ARHGAP26: variants seen among roughly 807,000 people sequenced by gnomAD.
ARHGAP26 encodes Rho GTPase activating protein 26, also known as rho GTPase-activating protein 26.
ARHGAP26 carries 38 observed loss-of-function variants against 104.8 expected under a neutral mutation model. That is an observed-to-expected ratio of 0.36 (90% CI 0.28 to 0.48). ARHGAP26 has a LOEUF of 0.48. Ranked by LOEUF, ARHGAP26 falls within the 20% of genes least tolerant of loss-of-function variation. ARHGAP26 has a pLI of 0.99. For missense variants in ARHGAP26, 704 were observed against 947.9 expected (o/e 0.74, Z 3.38); for synonymous variants, 341 against 340.0 (o/e 1.00, Z -0.03).
At chr5:143,186,761 A>T (rs1805202797) in intron 20 of ARHGAP26, among the ~76,000 whole-genome samples, 1 of 152,152 alleles carries the variant, frequency 6.6e-6, no homozygotes, top group Non-Finnish European at 1.5e-5. Context: ...TCCATTGGGG[A>T]GCTTTGCTGT....
intron 11 of ARHGAP26, among the ~76,000 whole-genome samples, chr5:142,968,224 T>G (rs141862779): frequency 6.6e-6 from 1 of 152,212 alleles, no homozygotes; most frequent in Admixed American, 6.5e-5. Context: ...AGAGATTAAG[T>G]ATTTTACCTA....
intron 11 of ARHGAP26, among the ~76,000 whole-genome samples, chr5:142,997,498 C>T (rs1222968753): frequency 6.6e-6 from 1 of 151,956 alleles, no homozygotes; most frequent in Non-Finnish European, 1.5e-5. Context: ...AGCCTCGATC[C>T]CTTGGGCTCA....
chr5:142,976,802 G>A (rs1282620191), intron 11 of ARHGAP26, among the ~76,000 whole-genome samples: 1 of 152,186 alleles, frequency 6.6e-6, no homozygotes, highest in East Asian at 1.9e-4. Context: ...AGAGAATTTA[G>A]ATTTTGAACC....
chr5:142,972,626 G>C (rs1319818759), intron 11 of ARHGAP26, among the ~76,000 whole-genome samples: 3 of 152,074 alleles, frequency 2.0e-5, no homozygotes, highest in Non-Finnish European at 2.9e-5. Context: ...TTAACATAGT[G>C]ATCATCTCAC....
chr5:142,800,623 A>G (rs1432828674), intron 1 of ARHGAP26, among the ~76,000 whole-genome samples: 2 of 152,004 alleles, frequency 1.3e-5, no homozygotes, highest in Non-Finnish European at 2.9e-5. Flanking sequence ...CAGCCTCCCA[A>G]AGTGCTGGGA....
rs146419133 is a variant in ARHGAP26, at chr5:142,988,841, T to C, written c.1108-25239T>C. Among the ~76,000 whole-genome samples, 1,246 of 152,306 alleles carry C rather than the reference T, an allele frequency of 8.2e-3. 22 individuals are homozygous for C. The highest frequency in any genetic ancestry group is 0.027 in the African/African-American group (1,118 of 41,562). On this transcript the variant is annotated intron_variant, in intron 11 of 22. Transcript: ENST00000645722. ...AATCCTGAGTTCTAGTTTGATTGCA[T>C]TGTGGTCTGAGAGACAGTTTGTTAT...
At chr5:143,201,497 T>C (rs1807712705) in intron 20 of ARHGAP26, among the ~76,000 whole-genome samples, 1 of 152,204 alleles carries the variant, frequency 6.6e-6, no homozygotes, top group Non-Finnish European at 1.5e-5. Flanking sequence ...GTTTTGGGTT[T>C]GGTGAGGGGC....
chr5:142,815,613 C>G (rs1253880920), intron 1 of ARHGAP26, among the ~76,000 whole-genome samples: 3 of 152,220 alleles, frequency 2.0e-5, no homozygotes, highest in African/African-American at 7.2e-5. Context: ...GCACCTTCCC[C>G]TGCTTCCTTT....
intron 20 of ARHGAP26, among the ~76,000 whole-genome samples, chr5:143,179,022 A>C (rs149568283): frequency 0.067 from 10,205 of 152,118 alleles, 365 homozygotes; most frequent in Middle Eastern, 0.11. Flanking sequence ...GGCACCTGCC[A>C]CCACACCTGG....
intron 17 of ARHGAP26, among the ~76,000 whole-genome samples, chr5:143,101,515 A>G (rs569380844): frequency 6.6e-6 from 1 of 152,188 alleles, no homozygotes; most frequent in East Asian, 1.9e-4. Context: ...ACTCCTTCTC[A>G]TCAGGTGTCA....
At chr5:143,072,780 A>G (rs1788462835) in intron 17 of ARHGAP26, among the ~76,000 whole-genome samples, 1 of 152,192 alleles carries the variant, frequency 6.6e-6, no homozygotes, top group Non-Finnish European at 1.5e-5. Flanking sequence ...GAGTAGGGGA[A>G]AGGGAGGATA....
intron 17 of ARHGAP26, among the ~76,000 whole-genome samples, chr5:143,117,684 C>A (rs760232971): frequency 6.6e-6 from 1 of 152,172 alleles, no homozygotes; most frequent in Non-Finnish European, 1.5e-5. Context: ...AATTAATATA[C>A]CTTTTTTCCA....
chr5:142,922,926 A>G (rs1763395016), intron 10 of ARHGAP26, among the ~76,000 whole-genome samples: 1 of 152,098 alleles, frequency 6.6e-6, no homozygotes, highest in African/African-American at 2.4e-5. Flanking sequence ...CAGGAAATGG[A>G]GTTTTCCTTC....
chr5:142,818,704 A>G (rs1396346816), intron 1 of ARHGAP26, among the ~76,000 whole-genome samples: 2 of 152,182 alleles, frequency 1.3e-5, no homozygotes, highest in Non-Finnish European at 2.9e-5. Flanking sequence ...ATGAGGTAAC[A>G]ATTGTAAAGA....
intron 1 of ARHGAP26, among the ~76,000 whole-genome samples, chr5:142,778,767 G>C (rs1306126681): frequency 1.3e-5 from 2 of 152,188 alleles, no homozygotes; most frequent in Non-Finnish European, 2.9e-5. Context: ...GTTTTTACAA[G>C]CCCTTTGACA....
intron 12 of ARHGAP26, among the ~76,000 whole-genome samples, chr5:143,034,885 TG>T (rs1180253475): frequency 6.6e-6 from 1 of 152,266 alleles, no homozygotes; most frequent in African/African-American, 2.4e-5. Flanking sequence ...TTATTTTAAT[TG>T]GGCTTTCAGC....
At chr5:143,219,016 G>A (rs1413347360) in intron 22 of ARHGAP26, among the ~76,000 whole-genome samples, 1 of 152,258 alleles carries the variant, frequency 6.6e-6, no homozygotes, top group Non-Finnish European at 1.5e-5. Context: ...GATGAAAGGA[G>A]GAAACTCAGG....
At chr5:142,790,960 C>G (rs528826551) in intron 1 of ARHGAP26, among the ~76,000 whole-genome samples, 4 of 152,172 alleles carry the variant, frequency 2.6e-5, no homozygotes, top group South Asian at 2.1e-4. Flanking sequence ...TAAATGATGT[C>G]GAATGTTCCT....
intron 17 of ARHGAP26, among the ~76,000 whole-genome samples, chr5:143,100,073 T>C (rs1162828922): frequency 1.3e-5 from 2 of 152,162 alleles, no homozygotes; most frequent in South Asian, 2.1e-4. Flanking sequence ...CACTTGAAGA[T>C]ACATGAAAGG....
Sources: allele counts gnomAD v4.1 joint callset (sites outside exome capture counted in the v4.1 genomes callset), GRCh38; gene constraint gnomAD v4.1.1; transcripts MANE v1.5; gene names NCBI Gene and HGNC (gene_info 2026-07-23, HGNC 2026-07-21).